The following PRLR variants were observed in gnomAD, a reference collection of about 807,000 sequenced individuals.
The protein encoded by PRLR is prolactin receptor.
A neutral mutation model predicts 40.2 loss-of-function variants in PRLR; 13 were observed. The ratio of observed to expected loss-of-function variants is 0.32; its 90% CI spans 0.21 to 0.51. The LOEUF (loss-of-function observed/expected upper bound fraction) is 0.51, where lower values mean the gene tolerates loss of function less well. PRLR is among the 20% of genes least tolerant of loss of function. The pLI is 0.97. For missense variants in PRLR, 656 were observed against 747.3 expected (o/e 0.88, Z 1.42); for synonymous variants, 269 against 278.7 (o/e 0.97, Z 0.35).
intron 1 of PRLR, among the ~76,000 whole-genome samples, chr5:35,150,711 A>T (rs1244782789): frequency 6.6e-6 from 1 of 152,182 alleles, no homozygotes; most frequent in African/African-American, 2.4e-5. Context: ...GACTGACAGT[A>T]GTGCATGAAA....
intron 1 of PRLR, among the ~76,000 whole-genome samples, chr5:35,118,875 T>A (rs1773169922): frequency 6.6e-6 from 1 of 151,582 alleles, no homozygotes; most frequent in Non-Finnish European, 1.5e-5. Flanking sequence ...AACTTCAACC[T>A]CCCCAGGCTC....
rs1012960481 is a variant in PRLR, at chr5:35,062,094, C to T, written c.*2995G>A. 3 of 152,006 alleles carry T rather than the reference C, an allele frequency of 2.0e-5. No individual in the cohort carries two copies. Among genetic ancestry groups the T allele is most frequent in the African/African-American group, 7.3e-5 (3 of 41,376 alleles). 9.4% of individuals were successfully genotyped at this position (152,006 alleles called of 1,614,324 possible). ...AAAATACTTGTGCAATATATTAAGA[C>T]CAACTGGAATGGACGGTTTAAAAAG... On this transcript the variant is annotated 3_prime_UTR_variant, in exon 10 of 10. Coordinates refer to ENST00000618457, the MANE Select transcript of PRLR (RefSeq NM_000949.7).
chr5:35,151,772 C>G (rs1774349045), intron 1 of PRLR, among the ~76,000 whole-genome samples: 1 of 152,198 alleles, frequency 6.6e-6, no homozygotes, highest in African/African-American at 2.4e-5. Context: ...AAGGAAGCCT[C>G]CAGCTGATTT....
At chr5:35,151,028 A>C (rs1774327797) in intron 1 of PRLR, among the ~76,000 whole-genome samples, 1 of 152,162 alleles carries the variant, frequency 6.6e-6, no homozygotes, top group African/African-American at 2.4e-5. Flanking sequence ...ATTGAGGGGA[A>C]TTATAGGGTT....
intron 1 of PRLR, among the ~76,000 whole-genome samples, chr5:35,217,794 T>C (rs1002993208): frequency 4.6e-5 from 7 of 152,124 alleles, no homozygotes; most frequent in Non-Finnish European, 8.8e-5. Flanking sequence ...CTTTGAAAAG[T>C]AAAATAAGAA....
intron 1 of PRLR, among the ~76,000 whole-genome samples, chr5:35,206,331 A>G (rs1776014198): frequency 6.6e-6 from 1 of 152,146 alleles, no homozygotes; most frequent in African/African-American, 2.4e-5. Context: ...TTAAAATTAA[A>G]AAGTAAAAAA....
chr5:35,144,484 T>C (rs1002662255), intron 1 of PRLR, among the ~76,000 whole-genome samples: 11 of 152,146 alleles, frequency 7.2e-5, no homozygotes, highest in African/African-American at 2.7e-4. Context: ...AGAGTCTCGC[T>C]CTATCACCCA....
At chr5:35,088,652 A>C (rs1407128861) in intron 3 of PRLR, among the ~76,000 whole-genome samples, 2 of 152,202 alleles carry the variant, frequency 1.3e-5, no homozygotes, top group Non-Finnish European at 2.9e-5. Flanking sequence ...TTAGAGGAAC[A>C]AGTTAACATT....
At chr5:35,108,175 C>T (rs1039931545) in intron 2 of PRLR, among the ~76,000 whole-genome samples, 1 of 152,118 alleles carries the variant, frequency 6.6e-6, no homozygotes. Context: ...ATTCAACACC[C>T]CTTCATGCTA....
At chr5:35,226,857 G>GGGAT (rs1776566300) in intron 1 of PRLR, among the ~76,000 whole-genome samples, 1 of 152,192 alleles carries the variant, frequency 6.6e-6, no homozygotes, top group Non-Finnish European at 1.5e-5. Context: ...CACAAGGGCT[G>GGGAT]GGATCCTGTG....
chr5:35,099,050 C>G (rs918695005), intron 2 of PRLR, among the ~76,000 whole-genome samples: 1 of 152,212 alleles, frequency 6.6e-6, no homozygotes, highest in African/African-American at 2.4e-5. Context: ...GCTTTCCCTA[C>G]CCTCTCAGAA....
chr5:35,199,017 G>A (rs1397420242), intron 1 of PRLR, among the ~76,000 whole-genome samples: 4 of 152,172 alleles, frequency 2.6e-5, no homozygotes, highest in East Asian at 1.9e-4. Flanking sequence ...CTGGCTCTCC[G>A]GATCCGGCTG....
At chr5:35,074,746 T>C (rs1769965364) in intron 5 of PRLR, among the ~76,000 whole-genome samples, 1 of 152,090 alleles carries the variant, frequency 6.6e-6, no homozygotes, top group African/African-American at 2.4e-5. Context: ...GGATATGTGT[T>C]TTGTGTTTTT....
rs578062106 is a variant in PRLR at position 35,081,890 on chromosome 5, C to T, written c.373+2580G>A. ...GACACCCCCTCTTCTACTTTTGGGG[C>T]TGGCATCGCCCTCAACAACCACTTT... On this transcript the variant is annotated intron_variant, in intron 5 of 9. Coordinates refer to ENST00000618457, the MANE Select transcript of PRLR (RefSeq NM_000949.7). 2.6e-5 allele frequency: 5 copies of T among 192,204 alleles called. No individual in the cohort carries two copies. In the South Asian group the frequency reaches 3.4e-4, roughly 13 times the overall value. The allele number at this position is 192,204 out of a possible 1,614,324, so 11.9% of individuals were successfully genotyped here.
Position 35,124,282 on chromosome 5 carries a change from CT to C in PRLR, c.-105-6161del, listed in dbSNP as rs377158842. On this transcript the variant is annotated intron_variant, in intron 1 of 9. Transcript: ENST00000618457. The stretch of plus-strand genomic sequence containing the variant: ...TGGGTCATATTACAAGGCAAAGTAG[CT>C]TTTTAATTTTAAGGCCCACCAGTCA... Among the ~76,000 whole-genome samples, 444 of 152,254 alleles carry C rather than the reference CT, an allele frequency of 2.9e-3. 5 individuals carry two copies. The highest frequency in any genetic ancestry group is 0.01 in the African/African-American group (431 of 41,548).
intron 1 of PRLR, among the ~76,000 whole-genome samples, chr5:35,130,758 G>A (rs1234440620): frequency 2.0e-5 from 3 of 152,194 alleles, no homozygotes; most frequent in Non-Finnish European, 4.4e-5. Flanking sequence ...TGGAAATAGG[G>A]TCCTTGCAAA....
At position 35,144,201 on chromosome 5, in the gene PRLR, A is replaced by G. The variant is rs988765486; in HGVS notation, c.-105-26079T>C. Among the ~76,000 whole-genome samples the G allele has an allele frequency of 1.3e-4, 19 of 151,348 alleles. 1 individual carries two copies. The highest frequency in any genetic ancestry group is 1.1e-3 in the Admixed American group (16 of 15,170). ...GATACTTTTATCTTTCTTTTGTTTC[A>G]TGCTTAAGATTTAGCATACTGCTTG... On this transcript the variant is annotated intron_variant, in intron 1 of 9. Coordinates refer to ENST00000618457, the MANE Select transcript of PRLR (RefSeq NM_000949.7).
chr5:35,080,692 G>T (rs562181335), intron 5 of PRLR, among the ~76,000 whole-genome samples: 2 of 152,050 alleles, frequency 1.3e-5, no homozygotes, highest in Admixed American at 1.3e-4. Context: ...CCATTACTGC[G>T]TATATACCCA....
At chr5:35,072,176 G>T (rs992879600) in intron 6 of PRLR, among the ~76,000 whole-genome samples, 2 of 152,116 alleles carry the variant, frequency 1.3e-5, no homozygotes, top group Non-Finnish European at 2.9e-5. Flanking sequence ...GGGATTAACA[G>T]GTGTGATCCA....
Sources: allele counts gnomAD v4.1 joint callset (sites outside exome capture counted in the v4.1 genomes callset), GRCh38; gene constraint gnomAD v4.1.1; transcripts MANE v1.5; gene names NCBI Gene and HGNC (gene_info 2026-07-23, HGNC 2026-07-21).